MIB1: variants seen among roughly 807,000 people sequenced by gnomAD.
MIB1 encodes E3 ubiquitin-protein ligase MIB1.
Under a neutral mutation model 124.5 loss-of-function variants are expected in MIB1, and 278 were observed. The ratio of observed to expected loss-of-function variants is 2.23; its 90% CI spans 2.02 to 2.47. The LOEUF is 2.47. MIB1 is among the 30% of genes most tolerant of loss of function. The probability of loss-of-function intolerance (pLI) is 0.00; values close to 1 mark genes in which losing one functional copy is unlikely to be tolerated. For missense variants in MIB1, 957 were observed against 1,254.4 expected (o/e 0.76, Z 3.58); for synonymous variants, 446 against 429.4 (o/e 1.04, Z -0.48).
intron 18 of MIB1, chr18:21,854,677 A>G (rs1435559745): frequency 2.5e-5 from 5 of 201,164 alleles, no homozygotes; most frequent in African/African-American, 9.6e-5. Context: ...TGTGCCTTCA[A>G]CATTTTCACG....
chr18:21,743,812 C>T (rs190919439), intron 1 of MIB1, among the ~76,000 whole-genome samples: 3 of 152,112 alleles, frequency 2.0e-5, no homozygotes, highest in East Asian at 3.9e-4. Flanking sequence ...TTCTTTACTA[C>T]GGTGATTTTT....
At chr18:21,752,446 A>G (rs145580206) in intron 1 of MIB1, among the ~76,000 whole-genome samples, 8 of 152,348 alleles carry the variant, frequency 5.3e-5, no homozygotes, top group African/African-American at 1.7e-4. Flanking sequence ...TGGGTCAGCC[A>G]GCTTTTTCCT....
In MIB1 at chr18:21,869,692, T is replaced by A. The variant is rs1277673139; in HGVS notation, c.*5026T>A. 2 of 152,440 alleles carry A rather than the reference T, an allele frequency of 1.3e-5. No individual in the cohort carries two copies. Among genetic ancestry groups the A allele is most frequent in the African/African-American group, 4.8e-5 (2 of 41,428 alleles). The allele number at this position is 152,440 out of a possible 1,614,324, so 9.4% of individuals were successfully genotyped here. ...TTAAGTTATTATGCAAAGTCATCTA[T>A]AAGTAGCATCTGGGAAGAGGAGATC... On this transcript the variant is annotated 3_prime_UTR_variant, in exon 21 of 21. Coordinates refer to ENST00000261537, the MANE Select transcript of MIB1 (RefSeq NM_020774.4).
chr18:21,772,506 T>C (rs538804046), intron 3 of MIB1, among the ~76,000 whole-genome samples: 18 of 152,328 alleles, frequency 1.2e-4, no homozygotes, highest in East Asian at 7.7e-4. Context: ...GAAATGCTCA[T>C]TGGAGCATTT....
Position 21,847,079 on chromosome 18 carries a change from C to T in MIB1, c.2347C>T (p.Pro783Ser). ...GQSPLDLCPD[P>S]NLCKALAKCH... ...ATCGCCACTTGATCTCTGTCCTGAT[C>T]CGAATCTCTGCAAAGCACTGGCAAA... Residue 783 changes from proline (P) to serine (S), a missense_variant, in exon 16 of 21, where the codon CCG (proline) becomes TCG (serine). Pro to Ser is a moderately conservative substitution (Grantham distance 74, BLOSUM62 -1). Coordinates refer to ENST00000261537, the MANE Select transcript of MIB1 (RefSeq NM_020774.4). 7 of 1,614,102 alleles carry T rather than the reference C, an allele frequency of 4.3e-6. No homozygotes were observed. Among genetic ancestry groups the T allele is most frequent in the Non-Finnish European group, 5.1e-6 (6 of 1,180,012 alleles).
intron 1 of MIB1, among the ~76,000 whole-genome samples, chr18:21,708,232 T>A (rs997117416): frequency 1.3e-5 from 2 of 152,216 alleles, no homozygotes; most frequent in African/African-American, 4.8e-5. Context: ...TCTGAACTTA[T>A]CCACCAAACT....
intron 12 of MIB1, among the ~76,000 whole-genome samples, chr18:21,834,125 T>C (rs2042006537): frequency 6.6e-6 from 1 of 152,158 alleles, no homozygotes; most frequent in Non-Finnish European, 1.5e-5. Flanking sequence ...GCTGTCCTTG[T>C]GGTTATAGTG....
intron 16 of MIB1, 39 bp from the exon 17 acceptor site, chr18:21,849,157 A>G (rs781758360): frequency 1.6e-6 from 2 of 1,280,460 alleles, no homozygotes; most frequent in Admixed American, 2.4e-5. Flanking sequence ...GTGAATTTGT[A>G]ATAAGATAGG....
intron 1 of MIB1, among the ~76,000 whole-genome samples, chr18:21,710,898 C>A (rs1260063611): frequency 7.1e-6 from 1 of 141,578 alleles, no homozygotes; most frequent in Non-Finnish European, 1.5e-5. Context: ...ACGATCTTGG[C>A]TCACTGCGAC....
intron 1 of MIB1, among the ~76,000 whole-genome samples, chr18:21,728,931 G>A (rs2040755149): frequency 6.6e-6 from 1 of 152,174 alleles, no homozygotes; most frequent in East Asian, 1.9e-4. Flanking sequence ...CTTCTTTCAT[G>A]TGACAAAAAG....
chr18:21,853,077 CTTG>C (rs1399057011), intron 17 of MIB1, 60 bp from the exon 18 acceptor site: 4 of 1,077,384 alleles, frequency 3.7e-6, no homozygotes, highest in African/African-American at 1.6e-5. Flanking sequence ...TATAATTGAA[CTTG>C]TTAAGAGTTA....
At chr18:21,851,509 A>G (rs1212061023) in intron 17 of MIB1, among the ~76,000 whole-genome samples, 1 of 152,172 alleles carries the variant, frequency 6.6e-6, no homozygotes, top group African/African-American at 2.4e-5. Context: ...GCCTTTGACT[A>G]CGAAGAAATA....
chr18:21,766,505 A>AT lies in MIB1; in HGVS notation c.401+563dup, dbSNP rs552611891. Reference sequence around the variant, plus strand: ...AAGGAGAGAGGAGTATTCATTGTTAATGGGGGCGGAGTTTTAGGTAATGGG... The same window carrying AT: ...AAGGAGAGAGGAGTATTCATTGTTAATTGGGGGCGGAGTTTTAGGTAATGGG... On this transcript the variant is annotated intron_variant, in intron 2 of 20. Coordinates refer to ENST00000261537, the MANE Select transcript of MIB1 (RefSeq NM_020774.4). Among the ~76,000 whole-genome samples the AT allele has an allele frequency of 1.4e-4, 22 of 152,274 alleles. No homozygotes were observed. The South Asian group carries it at 3.9e-3, about 27-fold the overall frequency.
intron 1 of MIB1, among the ~76,000 whole-genome samples, chr18:21,705,621 TAAAC>T (rs963797000): frequency 6.6e-6 from 1 of 152,164 alleles, no homozygotes; most frequent in African/African-American, 2.4e-5. Flanking sequence ...TGGCAAGACT[TAAAC>T]AGACGAAAGA....
chr18:21,831,594 A>G (rs1427947680), intron 12 of MIB1, among the ~76,000 whole-genome samples: 2 of 151,936 alleles, frequency 1.3e-5, no homozygotes, highest in Non-Finnish European at 2.9e-5. Context: ...CTTTCTGCCT[A>G]TTGATTGTTC....
rs73963258 is a variant in MIB1 at position 21,823,701 on chromosome 18, G to A, written c.1829+4055G>A. Among the ~76,000 whole-genome samples the A allele has an allele frequency of 8.8e-3, 1,340 of 152,212 alleles. 21 individuals carry two copies. The highest frequency in any genetic ancestry group is 0.03 in the African/African-American group (1,250 of 41,518). ...ATGAGACCCTGAGTACTTTGGTTGTGCTTTATAAAGTTTGGAGCATTTTAA... is the reference window on the plus strand; with the variant it reads ...ATGAGACCCTGAGTACTTTGGTTGTACTTTATAAAGTTTGGAGCATTTTAA... On this transcript the variant is annotated intron_variant, in intron 12 of 20. Coordinates refer to ENST00000261537, the MANE Select transcript of MIB1 (RefSeq NM_020774.4).
At chr18:21,713,047 T>G (rs2040672352) in intron 1 of MIB1, among the ~76,000 whole-genome samples, 1 of 152,108 alleles carries the variant, frequency 6.6e-6, no homozygotes, top group Non-Finnish European at 1.5e-5. Context: ...CTTGAATCAG[T>G]CTTGGGGTCA....
At chr18:21,778,270 A>C in intron 5 of MIB1, 101 bp downstream of exon 5, 1 of 782,750 alleles carries the variant, frequency 1.3e-6, no homozygotes, top group South Asian at 2.0e-5. Flanking sequence ...TTACCACTAA[A>C]GTTACTTAGA....
At chr18:21,788,362 C>T (rs576977689) in intron 6 of MIB1, among the ~76,000 whole-genome samples, 14 of 152,078 alleles carry the variant, frequency 9.2e-5, no homozygotes, top group Non-Finnish European at 1.5e-4. Flanking sequence ...TCAAATCTTA[C>T]GAGCATACAT....
Sources: gnomAD v4.1 joint callset for allele counts (sites outside exome capture counted in the v4.1 genomes callset) on GRCh38, gnomAD v4.1.1 for gene constraint, MANE v1.5 for transcripts, NCBI Gene and HGNC (gene_info 2026-07-23, HGNC 2026-07-21) for gene names.